Variants in COPS3 observed in about 807,000 individuals in gnomAD.
COPS3 encodes the protein COP9 signalosome subunit 3.
COPS3 carries 10 observed loss-of-function variants against 58.2 expected under a neutral mutation model. The ratio of observed to expected loss-of-function variants is 0.17; its 90% CI spans 0.11 to 0.29. The LOEUF (loss-of-function observed/expected upper bound fraction) is 0.29. Ranked by LOEUF, COPS3 falls within the 10% of genes least tolerant of loss-of-function variation. The pLI, the probability that COPS3 is intolerant of heterozygous loss-of-function variation, is 1.00. For missense variants in COPS3, 333 were observed against 510.1 expected (o/e 0.65, Z 3.34); for synonymous variants, 187 against 181.7 (o/e 1.03, Z -0.24).
chr17:17,248,585 G>A (rs2047773046), intron 10 of COPS3, among the ~76,000 whole-genome samples: 1 of 152,102 alleles, frequency 6.6e-6, no homozygotes, highest in Non-Finnish European at 1.5e-5. Flanking sequence ...CCAAAGTGTT[G>A]GGATTACAGG....
At chr17:17,277,745 G>A (rs1247458577) in intron 1 of COPS3, among the ~76,000 whole-genome samples, 1 of 152,038 alleles carries the variant, frequency 6.6e-6, no homozygotes, top group Non-Finnish European at 1.5e-5. Flanking sequence ...TAACAACTAA[G>A]GTACAGAATC....
At chr17:17,275,950 T>G in intron 2 of COPS3, 85 bp downstream of exon 2, 1 of 1,300,442 alleles carries the variant, frequency 7.7e-7, no homozygotes, top group Non-Finnish European at 1.0e-6. Context: ...TCAAAAAATA[T>G]AAATAAATAA....
intron 9 of COPS3, among the ~76,000 whole-genome samples, chr17:17,254,351 G>A (rs772957636): frequency 2.7e-5 from 4 of 150,706 alleles, no homozygotes; most frequent in Admixed American, 2.0e-4. Context: ...AGCCTGATGT[G>A]TATATCATAT....
chr17:17,254,814 G>GAAAAAAAAAA lies in COPS3; in HGVS notation c.1023+35_1023+44dup, dbSNP rs71152853. 4.4e-4 allele frequency: 363 copies of GAAAAAAAAAA among 822,190 alleles called. 1 individual carries two copies. Among genetic ancestry groups the GAAAAAAAAAA allele is most frequent in the South Asian group, 1.6e-3 (86 of 53,566 alleles). The allele number at this position is 822,190 out of a possible 1,614,324, so 50.9% of individuals were successfully genotyped here. A position where few individuals can be genotyped will look rare whatever the true frequency, so the allele number is the denominator to read the frequency against. On this transcript the variant is annotated intron_variant, in intron 9 of 11. Coordinates refer to ENST00000268717, the MANE Select transcript of COPS3 (RefSeq NM_003653.4). The stretch of plus-strand genomic sequence containing the variant: ...ACAGAGCGAGACTCCATCTCAAAAA[G>GAAAAAAAAAA]AAAAAAAAAAAAAAAAAAGAAAAAG...
rs775243460 is a variant in COPS3, at chr17:17,281,215, A to C, written c.-29T>G. On this transcript the variant is annotated 5_prime_UTR_variant, in exon 1 of 12. Transcript: ENST00000268717. ...TTCCCCCGGGCGGCCCGAGCGGCGAAGGCAGCACGCGCGGGAAAAGGCTGC... is the reference window on the plus strand; with the variant it reads ...TTCCCCCGGGCGGCCCGAGCGGCGACGGCAGCACGCGCGGGAAAAGGCTGC... 3.7e-6 allele frequency: 6 copies of C among 1,601,832 alleles called. No individual in the cohort carries two copies. Among genetic ancestry groups the C allele is most frequent in the South Asian group, 3.4e-5 (3 of 89,190 alleles).
chr17:17,266,919 G>A (rs2048234404), intron 5 of COPS3, among the ~76,000 whole-genome samples: 1 of 151,608 alleles, frequency 6.6e-6, no homozygotes, highest in African/African-American at 2.4e-5. Context: ...TGTTGGTCAG[G>A]CTGGTCTGGA....
chr17:17,256,826 A>G (rs1040533822), intron 8 of COPS3, among the ~76,000 whole-genome samples: 27 of 152,116 alleles, frequency 1.8e-4, no homozygotes, highest in African/African-American at 6.3e-4. Flanking sequence ...CCTGGTTTCA[A>G]CGTATCTTCC....
chr17:17,275,960 A>T (rs1271751176), intron 2 of COPS3, 75 bp downstream of exon 2: 61 of 1,364,036 alleles, frequency 4.5e-5, no homozygotes, highest in Non-Finnish European at 5.7e-5. Context: ...TAAATAAATA[A>T]ATAAAAATAA....
chr17:17,263,992 C>T (rs1477200191), intron 6 of COPS3, among the ~76,000 whole-genome samples: 3 of 152,216 alleles, frequency 2.0e-5, no homozygotes, highest in African/African-American at 7.2e-5. Context: ...CCTGACTAGA[C>T]ACGTGCTTTA....
At chr17:17,254,014 A>G (rs2047906467) in intron 9 of COPS3, among the ~76,000 whole-genome samples, 1 of 151,466 alleles carries the variant, frequency 6.6e-6, no homozygotes, top group African/African-American at 2.4e-5. Flanking sequence ...AGAAAATAAT[A>G]AGGAGTACAG....
intron 2 of COPS3, among the ~76,000 whole-genome samples, chr17:17,273,081 G>A (rs576620144): frequency 6.6e-6 from 1 of 152,276 alleles, no homozygotes; most frequent in South Asian, 2.1e-4. Context: ...TTGGGATATT[G>A]TGGTTGTCAT....
intron 9 of COPS3, among the ~76,000 whole-genome samples, chr17:17,254,005 G>GA (rs2047906177): frequency 6.6e-6 from 1 of 151,406 alleles, no homozygotes; most frequent in Admixed American, 6.6e-5. Flanking sequence ...TAAAATAAAA[G>GA]AAAATAATAA....
rs745358654 is a variant in COPS3, at chr17:17,260,461, G to A, written c.776C>T (p.Ala259Val). ...VGRFIKPLSN[A>V]YHELAQVYST... is the part of the protein sequence containing the mutation. ...ATACACTTGTGCTAACTCGTGGTATGCATTGCTAAGAGGCTAAAGATGCAA... is the reference window on the plus strand; with the variant it reads ...ATACACTTGTGCTAACTCGTGGTATACATTGCTAAGAGGCTAAAGATGCAA... The change falls in exon 8 of 12, where the codon GCA becomes GTA. Residue 259 changes from alanine to valine, a missense_variant. Physicochemically the swap from Ala to Val is moderately conservative, Grantham distance 64. Transcript: ENST00000268717. 2 of 1,614,110 alleles carry A rather than the reference G, an allele frequency of 1.2e-6. No individual in the cohort carries two copies. Among genetic ancestry groups the A allele is most frequent in the Non-Finnish European group, 1.7e-6 (2 of 1,179,994 alleles).
At chr17:17,261,663 C>A in intron 7 of COPS3, 1 of 432,946 alleles carries the variant, frequency 2.3e-6, no homozygotes, top group Non-Finnish European at 4.4e-6. Flanking sequence ...AGTTCAACAC[C>A]AACCTGGCCA....
At position 17,260,157 on chromosome 17, in the gene COPS3, A is replaced by G. The variant is rs575149632; in HGVS notation, c.936+144T>C. On this transcript the variant is annotated intron_variant, in intron 8 of 11. Coordinates refer to ENST00000268717, the MANE Select transcript of COPS3 (RefSeq NM_003653.4). Reference sequence around the variant, plus strand: ...ACATCAAATTCTTTCTAAGAAGCCAATCACAAGAGAGTTCTCTCTCAGCAC... The same window carrying G: ...ACATCAAATTCTTTCTAAGAAGCCAGTCACAAGAGAGTTCTCTCTCAGCAC... 9 of 813,972 alleles carry G rather than the reference A, an allele frequency of 1.1e-5. No homozygotes were observed. In the South Asian group the frequency reaches 1.2e-4, roughly 11 times the overall value. The allele number at this position is 813,972 out of a possible 1,614,324, so 50.4% of individuals were successfully genotyped here. A position where few individuals can be genotyped will look rare whatever the true frequency, so the allele number is the denominator to read the frequency against.
intron 8 of COPS3, 41 bp downstream of exon 8, chr17:17,260,260 G>A: frequency 1.0e-5 from 16 of 1,593,014 alleles, no homozygotes; most frequent in Non-Finnish European, 1.4e-5. Flanking sequence ...ATGGCCCCCA[G>A]GGGGTCAGGA....
chr17:17,264,960 A>T lies in COPS3; in HGVS notation c.463T>A (p.Phe155Ile). 1.2e-6 allele frequency: 2 copies of T among 1,612,332 alleles called. No individual in the cohort carries two copies. Among genetic ancestry groups the T allele is most frequent in the Non-Finnish European group, 1.7e-6 (2 of 1,179,730 alleles). The change falls in exon 6 of 12, where the codon TTT becomes ATT. Residue 155 changes from phenylalanine to isoleucine, a missense_variant. Phe to Ile is a conservative substitution (Grantham distance 21). Transcript: ENST00000268717. ...LCQLCLLAKC[F>I]KPALPYLDVD... ...TCAAGATATGGAAGGGCAGGCTTAA[A>T]GCATTTTGCTAGCAAACAAAGCTGT...
chr17:17,268,010 C>T (rs1025841399), intron 4 of COPS3, 33 bp from the exon 5 acceptor site: 78 of 1,610,116 alleles, frequency 4.8e-5, no homozygotes, highest in Non-Finnish European at 6.5e-5. Context: ...CAGATAAGTT[C>T]TCAAAGATGG....
intron 9 of COPS3, 63 bp downstream of exon 9, chr17:17,254,796 G>C: frequency 1.1e-6 from 1 of 946,442 alleles, no homozygotes; most frequent in Non-Finnish European, 1.5e-6. Flanking sequence ...GTGACAGAGC[G>C]AGACTCCATC....
Sources: gnomAD v4.1 joint callset for allele counts (sites outside exome capture counted in the v4.1 genomes callset) on GRCh38, gnomAD v4.1.1 for gene constraint, MANE v1.5 for transcripts, NCBI Gene and HGNC (gene_info 2026-07-23, HGNC 2026-07-21) for gene names.